Variants in USP34 observed in about 807,000 individuals in gnomAD.
USP34 encodes the protein ubiquitin carboxyl-terminal hydrolase 34.
Under a neutral mutation model 460.3 loss-of-function variants are expected in USP34, and 70 were observed. The observed-to-expected ratio is 0.15, with a 90% CI of 0.13 to 0.19. The LOEUF is 0.19. Ranked by LOEUF, USP34 falls within the 10% of genes least tolerant of loss-of-function variation. The pLI is 1.00. For synonymous variants in USP34, 1,647 were observed against 1,405.3 expected (o/e 1.17, Z -3.85); for missense variants, 3,985 against 4,236.2 (o/e 0.94, Z 1.65).
At chr2:61,433,745 A>C (rs1253228396) in intron 1 of USP34, among the ~76,000 whole-genome samples, 7 of 152,186 alleles carry the variant, frequency 4.6e-5, no homozygotes, top group Admixed American at 2.0e-4. Flanking sequence ...TTAGGAGCAC[A>C]AGGAATGTGC....
chr2:61,215,878 G>T (rs1181610649), intron 67 of USP34, among the ~76,000 whole-genome samples: 1 of 152,128 alleles, frequency 6.6e-6, no homozygotes, highest in Non-Finnish European at 1.5e-5. Flanking sequence ...AGCTTACACA[G>T]CTAGTGGCCA....
rs375302877 is a variant in USP34 at position 61,319,341 on chromosome 2, A to G, written c.3014-14T>C. 2.2e-4 allele frequency: 330 copies of G among 1,508,190 alleles called. No homozygotes were observed. Among genetic ancestry groups the G allele is most frequent in the Non-Finnish European group, 2.8e-4 (315 of 1,134,456 alleles). 93.4% of individuals were successfully genotyped at this position (1,508,190 alleles called of 1,614,324 possible). A position where few individuals can be genotyped will look rare whatever the true frequency, so the allele number is the denominator to read the frequency against. On this transcript the variant is annotated splice_polypyrimidine_tract_variant and intron_variant, in intron 21 of 79. Transcript: ENST00000398571. ...CTAAACTTAACCCTAGATAAAAATT[A>G]TAAATTTTATACTTTATTAACTACA...
intron 5 of USP34, among the ~76,000 whole-genome samples, chr2:61,394,468 G>GCCTC (rs1467220232): frequency 6.6e-6 from 1 of 150,616 alleles, no homozygotes; most frequent in Non-Finnish European, 1.5e-5. Context: ...GGGTGAGGTG[G>GCCTC]GAGGATCACC....
chr2:61,346,161 T>C (rs1238327380), intron 15 of USP34: 1 of 151,920 alleles, frequency 6.6e-6, no homozygotes, highest in Non-Finnish European at 1.5e-5. Context: ...ATGTTGAAAA[T>C]CTAATCCTGT....
At chr2:61,350,016 TAAA>T (rs149129768) in intron 12 of USP34, among the ~76,000 whole-genome samples, 2 of 149,456 alleles carry the variant, frequency 1.3e-5, no homozygotes, top group South Asian at 2.1e-4. Flanking sequence ...AGCTTTTGTT[TAAA>T]AAAAAAAGAT....
At chr2:61,369,809 G>A (rs1482868822) in intron 10 of USP34, among the ~76,000 whole-genome samples, 1 of 150,824 alleles carries the variant, frequency 6.6e-6, no homozygotes, top group African/African-American at 2.4e-5. Context: ...TGCTACATTT[G>A]TGAAAAAGAA....
intron 34 of USP34, among the ~76,000 whole-genome samples, chr2:61,286,527 G>A (rs924392242): frequency 6.6e-6 from 1 of 152,050 alleles, no homozygotes; most frequent in African/African-American, 2.4e-5. Flanking sequence ...ATGGTGGCGT[G>A]TGCCTGTAAT....
At chr2:61,195,366 T>TAAAA (rs34844512) in intron 75 of USP34, among the ~76,000 whole-genome samples, 16 of 140,190 alleles carry the variant, frequency 1.1e-4, no homozygotes, top group South Asian at 4.6e-4. Flanking sequence ...TTTTAAAGGT[T>TAAAA]AAAAAAAAAA....
intron 18 of USP34, 128 bp from the exon 19 acceptor site, chr2:61,334,099 A>T: frequency 1.7e-6 from 1 of 573,878 alleles, no homozygotes; most frequent in Non-Finnish European, 2.7e-6. Flanking sequence ...CACAAACATT[A>T]AACTTTTTTT....
At chr2:61,274,215 T>A (rs902754655) in intron 41 of USP34, among the ~76,000 whole-genome samples, 4 of 151,492 alleles carry the variant, frequency 2.6e-5, no homozygotes, top group Non-Finnish European at 5.9e-5. Context: ...AATGGCGAAA[T>A]CCGGTCTCCA....
chr2:61,454,930 G>A (rs1008393108), intron 1 of USP34, among the ~76,000 whole-genome samples: 1 of 144,032 alleles, frequency 6.9e-6, no homozygotes, highest in African/African-American at 2.6e-5. Context: ...CAGACTGGAT[G>A]GAGTGCAGTG....
At chr2:61,454,671 T>C (rs1695379669) in intron 1 of USP34, among the ~76,000 whole-genome samples, 1 of 151,948 alleles carries the variant, frequency 6.6e-6, no homozygotes, top group South Asian at 2.1e-4. Context: ...TGCCTCAGCC[T>C]CCCGAGTAGC....
intron 3 of USP34, among the ~76,000 whole-genome samples, chr2:61,402,207 G>C (rs557733715): frequency 6.6e-6 from 1 of 152,078 alleles, no homozygotes; most frequent in Non-Finnish European, 1.5e-5. Flanking sequence ...TTGAGCCCAG[G>C]AATTCAAGGT....
chr2:61,443,879 T>G (rs1457194043), intron 1 of USP34, among the ~76,000 whole-genome samples: 4 of 152,154 alleles, frequency 2.6e-5, no homozygotes, highest in African/African-American at 9.7e-5. Context: ...TGTCAGATGT[T>G]GATAATGGAG....
intron 1 of USP34, among the ~76,000 whole-genome samples, chr2:61,469,994 CTGCT>C (rs1695900120): frequency 6.6e-6 from 1 of 152,196 alleles, no homozygotes; most frequent in South Asian, 2.1e-4. Context: ...GTACAGTGCT[CTGCT>C]TAACAGAATG....
intron 25 of USP34, among the ~76,000 whole-genome samples, chr2:61,313,974 T>C (rs137989938): frequency 8.1e-4 from 124 of 152,222 alleles, no homozygotes; most frequent in African/African-American, 2.6e-3. Context: ...TTTTAACAAA[T>C]AGAATTTCTT....
intron 1 of USP34, among the ~76,000 whole-genome samples, chr2:61,442,898 T>TAC (rs58151221): frequency 0.06 from 8,823 of 147,216 alleles, 330 homozygotes; most frequent in African/African-American, 0.12. Flanking sequence ...GTGATGTGTG[T>TAC]ACACACACAC....
chr2:61,394,544 A>G (rs1471044668), intron 5 of USP34, among the ~76,000 whole-genome samples: 1 of 62,724 alleles, frequency 1.6e-5, no homozygotes, highest in East Asian at 4.4e-4. Flanking sequence ...AAAAAAAAAA[A>G]AAAAAAAAAA....
intron 37 of USP34, among the ~76,000 whole-genome samples, chr2:61,282,366 T>C (rs1194115836): frequency 2.6e-5 from 4 of 152,200 alleles, no homozygotes; most frequent in African/African-American, 4.8e-5. Context: ...TTATTTCACA[T>C]AGGAATATGA....
Sources: allele counts gnomAD v4.1 joint callset (sites outside exome capture counted in the v4.1 genomes callset), GRCh38; gene constraint gnomAD v4.1.1; transcripts MANE v1.5; gene names NCBI Gene and HGNC (gene_info 2026-07-23, HGNC 2026-07-21).